Variants in NDUFB6 observed in about 807,000 individuals in gnomAD.
The protein encoded by NDUFB6 is NADH:ubiquinone oxidoreductase subunit B6.
NDUFB6 carries 23 observed loss-of-function variants against 17.5 expected under a neutral mutation model. That is an observed-to-expected ratio of 1.31 (90% CI 0.94 to 1.86). The LOEUF is 1.86. Ranked by LOEUF, NDUFB6 falls within the 40% of genes most tolerant of loss-of-function variation. The pLI is 0.00. For synonymous variants in NDUFB6, 60 were observed against 53.5 expected, an observed-to-expected ratio of 1.12 and a Z score of -0.53; for missense variants, 167 against 153.8, an observed-to-expected ratio of 1.09 and a Z score of -0.46.
chr9:32,558,879 CA>C, intron 3 of NDUFB6, 30 bp downstream of exon 3: 3 of 1,428,142 alleles, frequency 2.1e-6, no homozygotes, highest in Non-Finnish European at 1.9e-6. Flanking sequence ...AAACAATAAA[CA>C]AAAGAAAAAT....
intron 3 of NDUFB6, among the ~76,000 whole-genome samples, chr9:32,556,846 CTTTTTTTTTTTTTTTT>C (rs10703297): frequency 1.2e-5 from 1 of 82,386 alleles, no homozygotes; most frequent in South Asian, 5.0e-4. Context: ...AAATCCCCTA[CTTTTTTTTTTTTTTTT>C]TTTTTTTTTT....
intron 2 of NDUFB6, chr9:32,568,506 T>C (rs1433503927): frequency 5.1e-6 from 1 of 197,860 alleles, no homozygotes; most frequent in Non-Finnish European, 1.1e-5. Context: ...GCGGCATGGT[T>C]TGAAAGGCCT....
chr9:32,567,572 A>C (rs974360314), intron 2 of NDUFB6: 1 of 386,446 alleles, frequency 2.6e-6, no homozygotes, highest in Non-Finnish European at 5.3e-6. Context: ...TGATTTGCCC[A>C]CCTCAGCCTC....
At chr9:32,570,103 C>T (rs1249340650) in intron 2 of NDUFB6, among the ~76,000 whole-genome samples, 1 of 152,158 alleles carries the variant, frequency 6.6e-6, no homozygotes, top group African/African-American at 2.4e-5. Flanking sequence ...CCTGCCTCAC[C>T]TCATTCAGGT....
At chr9:32,567,158 A>C in intron 2 of NDUFB6, 3 of 476,328 alleles carry the variant, frequency 6.3e-6, no homozygotes, top group South Asian at 4.6e-5. Flanking sequence ...TGGGCCCCGC[A>C]GGCAGTGGCA....
intron 2 of NDUFB6, among the ~76,000 whole-genome samples, chr9:32,561,039 CAG>C (rs1319559500): frequency 2.6e-5 from 4 of 152,182 alleles, no homozygotes; most frequent in Non-Finnish European, 1.5e-5. Flanking sequence ...GAAAACATAA[CAG>C]ATGTATAATG....
In NDUFB6 at chr9:32,553,645, T is replaced by C. The variant is rs924419604; in HGVS notation, c.*231A>G. 3 of 483,822 alleles carry C rather than the reference T, an allele frequency of 6.2e-6. No homozygotes were observed. The highest frequency in any genetic ancestry group is 5.6e-4 in the Middle Eastern group (1 of 1,782). The allele number at this position is 483,822 out of a possible 1,614,324, so 30.0% of individuals were successfully genotyped here. A position where few individuals can be genotyped will look rare whatever the true frequency, so the allele number is the denominator to read the frequency against. On this transcript the variant is annotated 3_prime_UTR_variant, in exon 4 of 4. Coordinates refer to ENST00000379847, the MANE Select transcript of NDUFB6 (RefSeq NM_002493.5). The stretch of plus-strand genomic sequence containing the variant: ...TAACTAAATACTTTTCCATACCGTT[T>C]TCCAAGTCAAGAATGACCAGAAAAA...
intron 2 of NDUFB6, chr9:32,566,771 G>A (rs1340695245): frequency 2.3e-5 from 21 of 906,110 alleles, no homozygotes; most frequent in Non-Finnish European, 3.3e-5. Flanking sequence ...TGTCGGCTGC[G>A]ACGTTCTGGC....
intron 2 of NDUFB6, chr9:32,566,970 G>C: frequency 7.8e-6 from 4 of 514,890 alleles, no homozygotes; most frequent in South Asian, 7.0e-5. Context: ...CGGCATCGTC[G>C]AGGACGCTTC....
At chr9:32,572,618 G>A (rs1056305689) in intron 1 of NDUFB6, among the ~76,000 whole-genome samples, 4 of 152,186 alleles carry the variant, frequency 2.6e-5, no homozygotes, top group African/African-American at 9.7e-5. Flanking sequence ...AGAACCAAAC[G>A]TGCAGCGTCC....
chr9:32,558,273 A>C (rs961690452), intron 3 of NDUFB6, among the ~76,000 whole-genome samples: 1 of 151,936 alleles, frequency 6.6e-6, no homozygotes, highest in Non-Finnish European at 1.5e-5. Flanking sequence ...CACCACGCCC[A>C]GCTAATTTTT....
Position 32,573,145 on chromosome 9 carries a change from C to A in NDUFB6, c.-85G>T, listed in dbSNP as rs1256347125. 2.9e-6 allele frequency: 4 copies of A among 1,385,680 alleles called. No individual in the cohort carries two copies. The highest frequency in any genetic ancestry group is 1.9e-6 in the Non-Finnish European group (2 of 1,055,320). 85.8% of individuals were successfully genotyped at this position (1,385,680 alleles called of 1,614,324 possible). A position where few individuals can be genotyped will look rare whatever the true frequency, so the allele number is the denominator to read the frequency against. On this transcript the variant is annotated 5_prime_UTR_variant, in exon 1 of 4. Transcript: ENST00000379847. Reference sequence around the variant, plus strand: ...TTAAGCGCGCTCCCGCTCTGCAAAGCGACCTTGCGGGAACGCCGAGCGCCG... The same window carrying A: ...TTAAGCGCGCTCCCGCTCTGCAAAGAGACCTTGCGGGAACGCCGAGCGCCG...
chr9:32,553,721 A>C lies in NDUFB6; in HGVS notation c.*155T>G, dbSNP rs541895088. 4 of 587,714 alleles carry C rather than the reference A, an allele frequency of 6.8e-6. No homozygotes were observed. Among genetic ancestry groups the C allele is most frequent in the Non-Finnish European group, 1.2e-5 (4 of 329,616 alleles). 36.4% of individuals were successfully genotyped at this position (587,714 alleles called of 1,614,324 possible). A position where few individuals can be genotyped will look rare whatever the true frequency, so the allele number is the denominator to read the frequency against. On this transcript the variant is annotated 3_prime_UTR_variant, in exon 4 of 4. Coordinates refer to ENST00000379847, the MANE Select transcript of NDUFB6 (RefSeq NM_002493.5). ...GCATGTCCACTTTTTACTTATTGTT[A>C]AATTACTCAGTCTCAAATTGTACAA...
At chr9:32,572,636 C>T (rs1194871219) in intron 1 of NDUFB6, among the ~76,000 whole-genome samples, 1 of 152,140 alleles carries the variant, frequency 6.6e-6, no homozygotes, top group Admixed American at 6.5e-5. Flanking sequence ...TCCTGGAAAA[C>T]CTAAGTATTA....
At chr9:32,554,491 G>A (rs1480490732) in intron 3 of NDUFB6, among the ~76,000 whole-genome samples, 1 of 152,174 alleles carries the variant, frequency 6.6e-6, no homozygotes, top group Non-Finnish European at 1.5e-5. Flanking sequence ...AACCTCCACT[G>A]ACAAGCTGTA....
Position 32,570,972 on chromosome 9 carries a change from C to T in NDUFB6, c.261G>A (p.Lys87=), listed in dbSNP as rs1236265802. ...AGGACATACTTACAGAAACATGATA[C>T]TTCATGTAATAATGAATAATCCAGA... ...VPVWIIHYYM[K]YHVSEKPYGI... Residue 87 remains lysine, a synonymous_variant, in exon 2 of 4, where the codon AAG becomes AAA. Transcript: ENST00000379847. 2.5e-6 allele frequency: 4 copies of T among 1,576,026 alleles called. No homozygotes were observed. Among genetic ancestry groups the T allele is most frequent in the Admixed American group, 3.5e-5 (2 of 56,748 alleles).
At chr9:32,566,070 CAAA>C (rs60006624) in intron 2 of NDUFB6, 754 of 338,146 alleles carry the variant, frequency 2.2e-3, no homozygotes, top group South Asian at 3.7e-3. Flanking sequence ...CTGGAGTGAC[CAAA>C]AAAAAAAAAA....
chr9:32,554,477 T>C (rs775460815), intron 3 of NDUFB6, among the ~76,000 whole-genome samples: 7 of 152,214 alleles, frequency 4.6e-5, no homozygotes, highest in South Asian at 2.1e-4. Flanking sequence ...GGTAAGAATC[T>C]TGGAACCTCC....
At chr9:32,556,979 G>A (rs1188669945) in intron 3 of NDUFB6, among the ~76,000 whole-genome samples, 1 of 147,910 alleles carries the variant, frequency 6.8e-6, no homozygotes, top group Non-Finnish European at 1.5e-5. Flanking sequence ...AGCCTCCCCG[G>A]TAGCTAGGAT....
Sources: gnomAD v4.1 joint callset for allele counts (sites outside exome capture counted in the v4.1 genomes callset) on GRCh38, gnomAD v4.1.1 for gene constraint, MANE v1.5 for transcripts, NCBI Gene and HGNC (gene_info 2026-07-23, HGNC 2026-07-21) for gene names.